Variants in CAMK1G observed in about 807,000 individuals in gnomAD.
CAMK1G encodes the protein calcium/calmodulin-dependent protein kinase type 1G.
A neutral mutation model predicts 54.8 loss-of-function variants in CAMK1G; 27 were observed. The ratio of observed to expected loss-of-function variants is 0.49; its 90% confidence interval spans 0.36 to 0.68. The LOEUF (loss-of-function observed/expected upper bound fraction) is 0.68, where lower values mean the gene tolerates loss of function less well. CAMK1G is among the 30% of genes least tolerant of loss of function. The pLI, the probability that CAMK1G is intolerant of heterozygous loss-of-function variation, is 0.00. For missense variants in CAMK1G, 512 were observed against 591.0 expected, an observed-to-expected ratio of 0.87 and a Z score of 1.39; for synonymous variants, 238 against 224.9, an observed-to-expected ratio of 1.06 and a Z score of -0.52.
In CAMK1G at chr1:209,612,924, C is replaced by A; in HGVS notation, c.*37+12C>A. ...ACTGCAATTTTCAGGTTAGGAGGGT[C>A]ACAGTGTGAGGCTTGGGGAGAGTTT... On this transcript the variant is annotated intron_variant, in intron 12 of 12. Transcript: ENST00000361322. 7.7e-7 allele frequency: 1 copy of A among 1,303,090 alleles called. No homozygotes were observed. Among genetic ancestry groups the A allele is most frequent in the Non-Finnish European group, 1.1e-6 (1 of 901,666 alleles). The allele number at this position is 1,303,090 out of a possible 1,614,324, so 80.7% of individuals were successfully genotyped here. A position where few individuals can be genotyped will look rare whatever the true frequency, so the allele number is the denominator to read the frequency against.
chr1:209,594,338 G>A (rs905832817), intron 1 of CAMK1G, among the ~76,000 whole-genome samples: 6 of 152,280 alleles, frequency 3.9e-5, no homozygotes, highest in African/African-American at 1.2e-4. Context: ...CCTTGCACAC[G>A]GTAGGTGCTA....
intron 4 of CAMK1G, among the ~76,000 whole-genome samples, chr1:209,603,528 A>G (rs1177385661): frequency 6.6e-6 from 1 of 152,136 alleles, no homozygotes; most frequent in Admixed American, 6.5e-5. Flanking sequence ...CACCAGGACA[A>G]CCCTATCAGT....
At chr1:209,590,228 G>C (rs893448812) in intron 1 of CAMK1G, among the ~76,000 whole-genome samples, 1 of 152,178 alleles carries the variant, frequency 6.6e-6, no homozygotes, top group South Asian at 2.1e-4. Flanking sequence ...AGAGGAGGGG[G>C]AGGACTTTAG....
In CAMK1G at chr1:209,585,931, G is replaced by T. The variant is rs1022359704; in HGVS notation, c.-30+2159G>T. Among the ~76,000 whole-genome samples the T allele has an allele frequency of 3.9e-5, 6 of 152,364 alleles. No individual in the cohort carries two copies. The East Asian group carries it at 9.7e-4, about 25-fold the overall frequency. Reference sequence around the variant, plus strand: ...CAGGCGCGCCGCCACGGTCAATGGCGAGGGGGTTGGGGCTGAGTGGGAGCG... The same window carrying T: ...CAGGCGCGCCGCCACGGTCAATGGCTAGGGGGTTGGGGCTGAGTGGGAGCG... On this transcript the variant is annotated intron_variant, in intron 1 of 12. Transcript: ENST00000361322.
chr1:209,589,350 CA>C (rs917559307), intron 1 of CAMK1G, among the ~76,000 whole-genome samples: 1 of 152,128 alleles, frequency 6.6e-6, no homozygotes, highest in African/African-American at 2.4e-5. Context: ...AGAAAGAAGC[CA>C]AGCAGATTTG....
intron 2 of CAMK1G, among the ~76,000 whole-genome samples, chr1:209,598,444 A>G (rs1665441693): frequency 6.6e-6 from 1 of 152,192 alleles, no homozygotes; most frequent in Non-Finnish European, 1.5e-5. Flanking sequence ...CCTGAGTCAC[A>G]TTGAAAGTGG....
Position 209,612,911 on chromosome 1 carries a change from A to G in CAMK1G, c.*36A>G, listed in dbSNP as rs778163229. The G allele has an allele frequency of 6.4e-6, 9 of 1,411,336 alleles. No individual in the cohort carries two copies. Among genetic ancestry groups the G allele is most frequent in the Non-Finnish European group, 9.0e-6 (9 of 998,182 alleles). The allele number at this position is 1,411,336 out of a possible 1,614,324, so 87.4% of individuals were successfully genotyped here. On this transcript the variant is annotated splice_region_variant and 3_prime_UTR_variant, in exon 12 of 13. Coordinates refer to ENST00000361322, the MANE Select transcript of CAMK1G (RefSeq NM_020439.3). ...CTGTGCCTATGTCACTGCAATTTTC[A>G]GGTTAGGAGGGTCACAGTGTGAGGC...
Position 209,606,454 on chromosome 1 carries a change from G to A in CAMK1G, c.559+11G>A, listed in dbSNP as rs1255674253. On this transcript the variant is annotated intron_variant, in intron 6 of 12. Coordinates refer to ENST00000361322, the MANE Select transcript of CAMK1G (RefSeq NM_020439.3). ...CCCCAGGCTACGTGGGTAAGTCTGG[G>A]AGCAGGAGGAAGGTTGACCAGTTGG... is the stretch of plus-strand genomic sequence containing the variant. The A allele has an allele frequency of 1.2e-6, 2 of 1,612,794 alleles. No individual in the cohort carries two copies. Among genetic ancestry groups the A allele is most frequent in the African/African-American group, 1.3e-5 (1 of 74,884 alleles).
intron 5 of CAMK1G, among the ~76,000 whole-genome samples, chr1:209,606,034 G>T (rs778908243): frequency 1.3e-5 from 2 of 152,156 alleles, no homozygotes; most frequent in Non-Finnish European, 2.9e-5. Context: ...ACCAAAGATT[G>T]GTTCTCTCAA....
rs533124624 is a variant in CAMK1G, at chr1:209,586,659, A to G, written c.-30+2887A>G. 5.3e-5 allele frequency among the ~76,000 whole-genome samples: 8 copies of G among 152,272 alleles called. No homozygotes were observed. The East Asian group carries it at 1.5e-3, about 29-fold the overall frequency. On this transcript the variant is annotated intron_variant, in intron 1 of 12. Transcript: ENST00000361322. ...CACTGCATGGCACTTTAGAGGTTGC[A>G]AACTGCTTTTGTGCCCATTGAAGCA...
At chr1:209,609,765 C>A in intron 8 of CAMK1G, 86 bp from the exon 9 acceptor site, 1 of 1,331,168 alleles carries the variant, frequency 7.5e-7, no homozygotes, top group Non-Finnish European at 1.1e-6. Context: ...AAGATGCATT[C>A]ACTGCCACCC....
At chr1:209,608,076 C>CAA in intron 7 of CAMK1G, 143 bp downstream of exon 7, 1 of 175,652 alleles carries the variant, frequency 5.7e-6, no homozygotes, top group Non-Finnish European at 8.6e-6. Context: ...CACGGGTACA[C>CAA]ACACACACAC....
intron 1 of CAMK1G, among the ~76,000 whole-genome samples, chr1:209,587,276 G>T (rs1483950192): frequency 6.6e-6 from 1 of 151,998 alleles, no homozygotes; most frequent in African/African-American, 2.4e-5. Context: ...GTGACTGATG[G>T]CAGAGGGCTG....
chr1:209,590,304 C>T (rs1273930618), intron 1 of CAMK1G, among the ~76,000 whole-genome samples: 3 of 152,156 alleles, frequency 2.0e-5, no homozygotes, highest in African/African-American at 7.2e-5. Flanking sequence ...ACTGTTCAGA[C>T]CTCCACCACA....
At chr1:209,595,823 G>T (rs1225841478) in intron 2 of CAMK1G, among the ~76,000 whole-genome samples, 1 of 152,156 alleles carries the variant, frequency 6.6e-6, no homozygotes, top group Non-Finnish European at 1.5e-5. Context: ...GTCTGAACCT[G>T]CACCTTGAAG....
At chr1:209,604,660 C>T (rs565345494) in intron 4 of CAMK1G, among the ~76,000 whole-genome samples, 34 of 152,224 alleles carry the variant, frequency 2.2e-4, no homozygotes, top group African/African-American at 4.6e-4. Context: ...CCCTGGCTCA[C>T]GGTTGAAATA....
chr1:209,609,800 C>T, intron 8 of CAMK1G, 51 bp from the exon 9 acceptor site: 6 of 1,571,616 alleles, frequency 3.8e-6, no homozygotes, highest in South Asian at 1.1e-5. Flanking sequence ...GAATTTCCAT[C>T]AGTCATGAAA....
intron 2 of CAMK1G, among the ~76,000 whole-genome samples, chr1:209,596,029 C>A (rs1449943231): frequency 1.3e-5 from 2 of 152,238 alleles, no homozygotes; most frequent in Non-Finnish European, 2.9e-5. Context: ...TGAAGAGCAG[C>A]CAGCGGGCTG....
chr1:209,606,563 G>A (rs1042933785), intron 6 of CAMK1G, 120 bp downstream of exon 6: 22 of 1,110,570 alleles, frequency 2.0e-5, no homozygotes, highest in Non-Finnish European at 2.3e-5. Context: ...ATCCTGGTAG[G>A]ACATCCACTT....
Sources: allele counts gnomAD v4.1 joint callset (sites outside exome capture counted in the v4.1 genomes callset), GRCh38; gene constraint gnomAD v4.1.1; transcripts MANE v1.5; gene names NCBI Gene and HGNC (gene_info 2026-07-23, HGNC 2026-07-21).